DCDC2: variants seen among roughly 807,000 people sequenced by gnomAD.
DCDC2 encodes doublecortin domain containing 2.
Under a neutral mutation model 50.2 loss-of-function variants are expected in DCDC2, and 40 were observed. The observed-to-expected ratio is 0.80, with a 90% CI of 0.62 to 1.04. The LOEUF is 1.04. Among genes scored for constraint, DCDC2 ranks in the 50% least tolerant of loss-of-function variants. The probability of loss-of-function intolerance (pLI) is 0.00; values close to 1 mark genes in which losing one functional copy is unlikely to be tolerated. For synonymous variants in DCDC2, 234 were observed against 210.6 expected, an observed-to-expected ratio of 1.11 and a Z score of -0.96; for missense variants, 570 against 581.9, an observed-to-expected ratio of 0.98 and a Z score of 0.21.
rs1193899230 is a variant in DCDC2 at position 24,173,969 on chromosome 6, A to G, written c.*761T>C. ...GTAAAGATAGACTGGATCAGTGAAA[A>G]TCCACAGGATTTCCATTATCTGCAA... is the stretch of plus-strand genomic sequence containing the variant. On this transcript the variant is annotated 3_prime_UTR_variant, in exon 10 of 10. Coordinates refer to ENST00000378454, the MANE Select transcript of DCDC2 (RefSeq NM_016356.5). The G allele has an allele frequency of 1.3e-5, 2 of 152,224 alleles. No homozygotes were observed. The highest frequency in any genetic ancestry group is 4.8e-5 in the African/African-American group (2 of 41,456). 9.4% of individuals were successfully genotyped at this position (152,224 alleles called of 1,614,324 possible). A position where few individuals can be genotyped will look rare whatever the true frequency, so the allele number is the denominator to read the frequency against.
intron 2 of DCDC2, among the ~76,000 whole-genome samples, chr6:24,345,440 G>T (rs1760237095): frequency 6.6e-6 from 1 of 152,078 alleles, no homozygotes; most frequent in Non-Finnish European, 1.5e-5. Context: ...TTTCAGCAAG[G>T]CAAAGTTTTG....
chr6:24,330,100 T>C (rs1483511953), intron 2 of DCDC2, among the ~76,000 whole-genome samples: 1 of 152,188 alleles, frequency 6.6e-6, no homozygotes, highest in Non-Finnish European at 1.5e-5. Flanking sequence ...TAAATTCCAC[T>C]AAATGTGTGT....
intron 6 of DCDC2, among the ~76,000 whole-genome samples, chr6:24,286,522 G>C (rs1763612834): frequency 6.6e-6 from 1 of 151,676 alleles, no homozygotes; most frequent in South Asian, 2.1e-4. Context: ...GAGCCTGGGA[G>C]GTCAAGGCTA....
At chr6:24,330,738 C>G (rs1759950691) in intron 2 of DCDC2, among the ~76,000 whole-genome samples, 1 of 152,022 alleles carries the variant, frequency 6.6e-6, no homozygotes, top group Non-Finnish European at 1.5e-5. Context: ...GATGGAGAAA[C>G]AGGATCCACA....
At chr6:24,194,116 C>T (rs1172077248) in intron 8 of DCDC2, among the ~76,000 whole-genome samples, 1 of 152,020 alleles carries the variant, frequency 6.6e-6, no homozygotes, top group African/African-American at 2.4e-5. Context: ...TAGCAGTACT[C>T]CATGAGAAAT....
intron 7 of DCDC2, among the ~76,000 whole-genome samples, chr6:24,262,760 G>A (rs1489977946): frequency 1.3e-5 from 2 of 152,244 alleles, no homozygotes; most frequent in African/African-American, 4.8e-5. Context: ...CCCAGGGCCA[G>A]AAGGGAACCC....
chr6:24,347,584 G>A (rs1227471265), intron 2 of DCDC2, among the ~76,000 whole-genome samples: 1 of 152,112 alleles, frequency 6.6e-6, no homozygotes, highest in Non-Finnish European at 1.5e-5. Flanking sequence ...AGTATACGGG[G>A]GGATGTGCAT....
At chr6:24,306,543 T>TAGATAGATAGATAGATAGAC (rs1209633765) in intron 2 of DCDC2, among the ~76,000 whole-genome samples, 3 of 115,722 alleles carry the variant, frequency 2.6e-5, no homozygotes, top group South Asian at 6.3e-4. Flanking sequence ...GATAGATAGA[T>TAGATAGATAGATAGATAGAC]AGACAGACAG....
In DCDC2 at chr6:24,173,186, C is replaced by T. The variant is rs1474797054; in HGVS notation, c.*1544G>A. ...AATTCATGCTCCCAGATCACTATATCCTTGTGTCATTATCTCTTCCAAATA... is the reference window on the plus strand; with the variant it reads ...AATTCATGCTCCCAGATCACTATATTCTTGTGTCATTATCTCTTCCAAATA... On this transcript the variant is annotated 3_prime_UTR_variant, in exon 10 of 10. Transcript: ENST00000378454. The T allele has an allele frequency of 1.3e-5, 2 of 151,912 alleles. No homozygotes were observed. Among genetic ancestry groups the T allele is most frequent in the Non-Finnish European group, 2.9e-5 (2 of 67,974 alleles). 9.4% of individuals were successfully genotyped at this position (151,912 alleles called of 1,614,324 possible). A position where few individuals can be genotyped will look rare whatever the true frequency, so the allele number is the denominator to read the frequency against.
Position 24,172,342 on chromosome 6 carries a change from A to G in DCDC2, c.*2388T>C, listed in dbSNP as rs987317725. ...TAAAATATGCACACACAAGGGATGA[A>G]TATGTCCCCATTTTTAAGTTTTTTT... On this transcript the variant is annotated 3_prime_UTR_variant, in exon 10 of 10. Coordinates refer to ENST00000378454, the MANE Select transcript of DCDC2 (RefSeq NM_016356.5). 3 of 152,210 alleles carry G rather than the reference A, an allele frequency of 2.0e-5. No homozygotes were observed. The highest frequency in any genetic ancestry group is 7.2e-5 in the African/African-American group (3 of 41,450). The allele number at this position is 152,210 out of a possible 1,614,324, so 9.4% of individuals were successfully genotyped here.
chr6:24,346,417 G>A (rs560608987), intron 2 of DCDC2, among the ~76,000 whole-genome samples: 7 of 152,198 alleles, frequency 4.6e-5, no homozygotes, highest in African/African-American at 9.6e-5. Context: ...ACACTTCTAC[G>A]TGACTTAGAA....
chr6:24,301,807 G>C lies in DCDC2; in HGVS notation c.465C>G (p.Arg155=). 6.2e-7 allele frequency: 1 copy of C among 1,614,184 alleles called. No homozygotes were observed. Among genetic ancestry groups the C allele is most frequent in the South Asian group, 1.1e-5 (1 of 91,082 alleles). Residue 155 remains arginine (R), a synonymous_variant, in exon 4 of 10, where the codon CGC becomes CGG. Transcript: ENST00000378454. ...TCAAGGTTTTTCTGGGGATAAGGAG[G>C]CGAGAAGCTGGGTTTATGAGGTCTC... is the stretch of plus-strand genomic sequence containing the variant. ...ANGDLINPAS[R]LLIPRKTLNQ...
upstream of DCDC2, among the ~76,000 whole-genome samples, chr6:24,358,674 CCTGT>C (rs1268198806): frequency 8.6e-6 from 1 of 116,170 alleles, no homozygotes; most frequent in Non-Finnish European, 1.7e-5. Context: ...ACAGCAAGAC[CCTGT>C]CTTAGAAAAT....
chr6:24,331,159 G>T (rs1242131826), intron 2 of DCDC2, among the ~76,000 whole-genome samples: 2 of 152,126 alleles, frequency 1.3e-5, no homozygotes, highest in African/African-American at 4.8e-5. Context: ...GACGGGAAGA[G>T]AATTCCCTCT....
At chr6:24,231,889 C>A (rs993646146) in intron 7 of DCDC2, among the ~76,000 whole-genome samples, 3 of 152,006 alleles carry the variant, frequency 2.0e-5, no homozygotes, top group Admixed American at 6.6e-5. Flanking sequence ...TCCCAGGATA[C>A]AACAGTAGCT....
At chr6:24,181,470 T>C (rs1005967855) in intron 8 of DCDC2, among the ~76,000 whole-genome samples, 1 of 152,120 alleles carries the variant, frequency 6.6e-6, no homozygotes, top group African/African-American at 2.4e-5. Flanking sequence ...AAGATGGGTG[T>C]TGTCATTATA....
chr6:24,266,713 T>A (rs992581047), intron 7 of DCDC2, among the ~76,000 whole-genome samples: 3 of 152,138 alleles, frequency 2.0e-5, no homozygotes, highest in Non-Finnish European at 4.4e-5. Flanking sequence ...ATACTGTTGA[T>A]GGGAATGTAA....
intron 7 of DCDC2, among the ~76,000 whole-genome samples, chr6:24,238,962 G>T (rs1018484840): frequency 6.6e-6 from 1 of 152,170 alleles, no homozygotes; most frequent in Non-Finnish European, 1.5e-5. Context: ...AGCTTTAAAA[G>T]CTTTGTTGTA....
At chr6:24,245,084 C>T (rs1419160374) in intron 7 of DCDC2, among the ~76,000 whole-genome samples, 1 of 152,122 alleles carries the variant, frequency 6.6e-6, no homozygotes, top group Non-Finnish European at 1.5e-5. Flanking sequence ...ATCCCAGCTA[C>T]TCAGGTGGTT....
Sources: allele counts gnomAD v4.1 joint callset (sites outside exome capture counted in the v4.1 genomes callset), GRCh38; gene constraint gnomAD v4.1.1; transcripts MANE v1.5; gene names NCBI Gene and HGNC (gene_info 2026-07-23, HGNC 2026-07-21).